The following GNA14 variants were observed in gnomAD, a reference collection of about 807,000 sequenced individuals.
GNA14 encodes guanine nucleotide-binding protein subunit alpha-14.
A neutral mutation model predicts 42.0 loss-of-function variants in GNA14; 50 were observed. The observed-to-expected ratio is 1.19, with a 90% CI of 0.95 to 1.51. The LOEUF is 1.51. GNA14 is among the 40% of genes most tolerant of loss of function. The pLI is 0.00. For synonymous variants in GNA14, 173 were observed against 163.1 expected (o/e 1.06, Z -0.46); for missense variants, 473 against 446.2 (o/e 1.06, Z -0.54).
At chr9:77,577,169 C>G (rs1238704194) in intron 1 of GNA14, among the ~76,000 whole-genome samples, 1 of 152,204 alleles carries the variant, frequency 6.6e-6, no homozygotes, top group Non-Finnish European at 1.5e-5. Context: ...AAAAAAGTCT[C>G]TCATCCCAAA....
intron 1 of GNA14, among the ~76,000 whole-genome samples, chr9:77,539,873 G>GT (rs1204672314): frequency 6.6e-6 from 1 of 151,668 alleles, no homozygotes; most frequent in East Asian, 1.9e-4. Flanking sequence ...GTTTATTTGG[G>GT]TTTTCTCTCT....
chr9:77,445,143 A>G lies in GNA14; in HGVS notation c.310-10621T>C, dbSNP rs547203781. ...ATGGCGGGGAAGGAGAAGGGGCTACATCTTCCCTTTTCGCTGCCACGAACA... is the reference window on the plus strand; with the variant it reads ...ATGGCGGGGAAGGAGAAGGGGCTACGTCTTCCCTTTTCGCTGCCACGAACA... On this transcript the variant is annotated intron_variant, in intron 2 of 6. Coordinates refer to ENST00000341700, the MANE Select transcript of GNA14 (RefSeq NM_004297.4). Among the ~76,000 whole-genome samples the G allele has an allele frequency of 3.3e-5, 5 of 152,300 alleles. No homozygotes were observed. In the East Asian group the frequency reaches 9.6e-4, roughly 29 times the overall value.
At chr9:77,479,774 T>C (rs536089177) in intron 2 of GNA14, among the ~76,000 whole-genome samples, 4 of 152,310 alleles carry the variant, frequency 2.6e-5, no homozygotes, top group African/African-American at 4.8e-5. Flanking sequence ...ACATCCCTTG[T>C]AAGTTGGATT....
intron 1 of GNA14, among the ~76,000 whole-genome samples, chr9:77,618,050 C>T (rs1242231434): frequency 6.6e-6 from 1 of 152,042 alleles, no homozygotes; most frequent in East Asian, 1.9e-4. Flanking sequence ...CACCATAAGA[C>T]CAGGGCCTTT....
intron 2 of GNA14, among the ~76,000 whole-genome samples, chr9:77,441,746 T>C (rs1835739541): frequency 6.6e-6 from 1 of 152,188 alleles, no homozygotes; most frequent in South Asian, 2.1e-4. Context: ...CTTTGTAGCA[T>C]AGTATTTCCA....
At chr9:77,505,539 C>CTGCTGT (rs1837054611) in intron 2 of GNA14, among the ~76,000 whole-genome samples, 1 of 152,184 alleles carries the variant, frequency 6.6e-6, no homozygotes, top group Non-Finnish European at 1.5e-5. Flanking sequence ...CTTGAGGACA[C>CTGCTGT]AGCAGTGTCT....
chr9:77,445,435 C>T (rs754563778), intron 2 of GNA14, among the ~76,000 whole-genome samples: 14 of 151,480 alleles, frequency 9.2e-5, no homozygotes, highest in Non-Finnish European at 1.9e-4. Flanking sequence ...TTTTGGGGCC[C>T]AGCAAGGTGG....
chr9:77,493,630 T>TTGTATA (rs1475283355), intron 2 of GNA14, among the ~76,000 whole-genome samples: 1 of 152,220 alleles, frequency 6.6e-6, no homozygotes, highest in Admixed American at 6.5e-5. Flanking sequence ...GTTGAATAAT[T>TTGTATA]ATGTATCTTT....
chr9:77,444,783 C>T (rs1028486040), intron 2 of GNA14, among the ~76,000 whole-genome samples: 1 of 152,186 alleles, frequency 6.6e-6, no homozygotes, highest in Non-Finnish European at 1.5e-5. Flanking sequence ...ATCCTATGTA[C>T]AGACAAAATC....
At chr9:77,534,679 A>C (rs1290035249) in intron 1 of GNA14, among the ~76,000 whole-genome samples, 1 of 152,220 alleles carries the variant, frequency 6.6e-6, no homozygotes, top group African/African-American at 2.4e-5. Context: ...ATGCTGTCTA[A>C]ATCATCTATG....
At chr9:77,490,202 A>G (rs1270493568) in intron 2 of GNA14, among the ~76,000 whole-genome samples, 2 of 151,574 alleles carry the variant, frequency 1.3e-5, no homozygotes, top group Non-Finnish European at 2.9e-5. Context: ...AGAGTGTCAA[A>G]TGGTGCATTC....
At chr9:77,606,637 C>A (rs1196255818) in intron 1 of GNA14, among the ~76,000 whole-genome samples, 1 of 152,140 alleles carries the variant, frequency 6.6e-6, no homozygotes, top group Non-Finnish European at 1.5e-5. Flanking sequence ...ATGCTGCCAC[C>A]AAATGGGTTG....
chr9:77,552,473 A>G (rs1408700097), intron 1 of GNA14, among the ~76,000 whole-genome samples: 1 of 152,224 alleles, frequency 6.6e-6, no homozygotes, highest in Non-Finnish European at 1.5e-5. Flanking sequence ...TCTTGGTCCT[A>G]CATTCTGTGA....
chr9:77,595,561 C>A (rs1254317792), intron 1 of GNA14, among the ~76,000 whole-genome samples: 3 of 152,116 alleles, frequency 2.0e-5, no homozygotes, highest in African/African-American at 4.8e-5. Flanking sequence ...CCTCAAAGCC[C>A]GTTTTTATCC....
intron 2 of GNA14, among the ~76,000 whole-genome samples, chr9:77,500,169 T>G (rs1453302166): frequency 2.0e-5 from 3 of 152,012 alleles, no homozygotes; most frequent in African/African-American, 2.4e-5. Flanking sequence ...ATTACAGGCA[T>G]GCACCACCAC....
chr9:77,612,345 A>T (rs1270493549), intron 1 of GNA14, among the ~76,000 whole-genome samples: 1 of 152,150 alleles, frequency 6.6e-6, no homozygotes, highest in Non-Finnish European at 1.5e-5. Context: ...CAGGCATGGG[A>T]AAAGTTCTCC....
intron 2 of GNA14, among the ~76,000 whole-genome samples, chr9:77,505,561 A>T (rs1317452109): frequency 6.6e-6 from 1 of 152,232 alleles, no homozygotes; most frequent in Non-Finnish European, 1.5e-5. Flanking sequence ...AACAAAACTC[A>T]GGAAATGAAT....
chr9:77,558,068 T>C (rs1419765588), intron 1 of GNA14, among the ~76,000 whole-genome samples: 1 of 152,130 alleles, frequency 6.6e-6, no homozygotes, highest in Non-Finnish European at 1.5e-5. Context: ...GGGGATTCAG[T>C]TGGAAAACAT....
At chr9:77,537,353 T>C (rs554873299) in intron 1 of GNA14, among the ~76,000 whole-genome samples, 1 of 152,358 alleles carries the variant, frequency 6.6e-6, no homozygotes, top group Admixed American at 6.5e-5. Context: ...TTGCCTGGCT[T>C]ATCCCACTTA....
Sources: gnomAD v4.1 joint callset for allele counts (sites outside exome capture counted in the v4.1 genomes callset) on GRCh38, gnomAD v4.1.1 for gene constraint, MANE v1.5 for transcripts, NCBI Gene and HGNC (gene_info 2026-07-23, HGNC 2026-07-21) for gene names.